The following STT3A variants were observed in gnomAD, a reference collection of about 807,000 sequenced individuals.
The protein encoded by STT3A is dolichyl-diphosphooligosaccharide--protein glycosyltransferase subunit STT3A.
A neutral mutation model predicts 89.2 loss-of-function variants in STT3A; 34 were observed. The ratio of observed to expected loss-of-function variants is 0.38; its 90% CI spans 0.29 to 0.51. The LOEUF is 0.51. STT3A is among the 20% of genes least tolerant of loss of function. The pLI is 0.89. For missense variants in STT3A, 555 were observed against 889.5 expected (o/e 0.62, Z 4.78); for synonymous variants, 282 against 310.3 (o/e 0.91, Z 0.96).
Position 125,620,042 on chromosome 11 carries a change from T to A in STT3A, c.1995T>A (p.Asn665Lys). Residue 665 changes from asparagine to lysine, a missense_variant, in exon 17 of 18, where the codon AAT becomes AAA. Coordinates refer to ENST00000392708, the MANE Select transcript of STT3A (RefSeq NM_152713.5). ...CTCCAGGCTTTGACCGTGTCCGAAA[T>A]GCTGAGATTGGGAATAAAGACTTTG... ...KRPPGFDRVR[N>K]AEIGNKDFEL... 6.2e-7 allele frequency: 1 copy of A among 1,614,160 alleles called. No homozygotes were observed. Among genetic ancestry groups the A allele is most frequent in the Non-Finnish European group, 8.5e-7 (1 of 1,180,028 alleles).
In STT3A at chr11:125,602,947, A is replaced by G; in HGVS notation, c.416A>G (p.Lys139Arg). The change falls in exon 5 of 18, where the codon AAG (lysine) becomes AGG (arginine). Residue 139 changes from lysine to arginine, a missense_variant and splice_region_variant. By Grantham distance (26) the Lys-to-Arg change is conservative. Coordinates refer to ENST00000392708, the MANE Select transcript of STT3A (RefSeq NM_152713.5). ...ACGTACCACCTTACCAAAGAGCTCA[A>G]GGTGAAGGATTTGGGGTGACAGGAG... is the stretch of plus-strand genomic sequence containing the variant. ...IVTYHLTKEL[K>R]DAGAGLLAAA... The G allele has an allele frequency of 1.9e-6, 3 of 1,614,000 alleles. No individual in the cohort carries two copies. Among genetic ancestry groups the G allele is most frequent in the Non-Finnish European group, 2.5e-6 (3 of 1,179,976 alleles).
At position 125,612,580 on chromosome 11, in the gene STT3A, T is replaced by C. The variant is rs1463907366; in HGVS notation, c.1210-12T>C. The C allele has an allele frequency of 1.2e-6, 2 of 1,611,746 alleles. No individual in the cohort carries two copies. The highest frequency in any genetic ancestry group is 1.7e-6 in the Non-Finnish European group (2 of 1,179,014). On this transcript the variant is annotated splice_polypyrimidine_tract_variant and intron_variant, in intron 11 of 17. Coordinates refer to ENST00000392708, the MANE Select transcript of STT3A (RefSeq NM_152713.5). ...CACTGATTAGACTGATCATGCTTCC[T>C]GTCTCTGTTAGGTGCGTCTAATGCT...
At chr11:125,599,861 G>C (rs1264680993) in intron 3 of STT3A, among the ~76,000 whole-genome samples, 2 of 141,434 alleles carry the variant, frequency 1.4e-5, no homozygotes, top group Non-Finnish European at 3.0e-5. Flanking sequence ...CTCCTAAGTA[G>C]CTGGGATTAC....
Position 125,613,995 on chromosome 11 carries a change from A to G in STT3A, c.1555-92A>G, listed in dbSNP as rs1940096904. The G allele has an allele frequency of 2.7e-6, 3 of 1,097,782 alleles. No homozygotes were observed. Among genetic ancestry groups the G allele is most frequent in the South Asian group, 2.8e-5 (2 of 72,546 alleles). The allele number at this position is 1,097,782 out of a possible 1,614,324, so 68.0% of individuals were successfully genotyped here. On this transcript the variant is annotated intron_variant, in intron 13 of 17. Transcript: ENST00000392708. The surrounding 1 kb of genome is among the most constrained non-coding windows in gnomAD (Gnocchi z 4.2). ...GAAATTGATTAGTTAGCCAGGTGTCACTTCTGTCAGACCAAAGATGCCTTC... is the reference window on the plus strand; with the variant it reads ...GAAATTGATTAGTTAGCCAGGTGTCGCTTCTGTCAGACCAAAGATGCCTTC...
rs1484052934 is a variant in STT3A, at chr11:125,620,139, T to C, written c.2079+13T>C. On this transcript the variant is annotated intron_variant, in intron 17 of 17. Coordinates refer to ENST00000392708, the MANE Select transcript of STT3A (RefSeq NM_152713.5). ...CAGGATATACAAGGTAAGCAGATGCTATACGTCTCAGAAAGCAACTTTTAT... is the reference window on the plus strand; with the variant it reads ...CAGGATATACAAGGTAAGCAGATGCCATACGTCTCAGAAAGCAACTTTTAT... 3 of 1,600,894 alleles carry C rather than the reference T, an allele frequency of 1.9e-6. No individual in the cohort carries two copies. The highest frequency in any genetic ancestry group is 2.6e-6 in the Non-Finnish European group (3 of 1,172,192).
Position 125,612,592 on chromosome 11 carries a change from G to A in STT3A, c.1210G>A (p.Val404Met). 6.2e-7 allele frequency: 1 copy of A among 1,613,428 alleles called. No individual in the cohort carries two copies. The highest frequency in any genetic ancestry group is 1.3e-5 in the African/African-American group (1 of 75,004). ...TGATCATGCTTCCTGTCTCTGTTAG[G>A]TGCGTCTAATGCTAGTGTTGGCACC... The part of the protein sequence containing the change: ...VTSMYFSAVM[V>M]RLMLVLAPVM... Residue 404 changes from valine (V) to methionine (M), a missense_variant and splice_region_variant, in exon 12 of 18, where the codon GTG becomes ATG. Val to Met is a conservative substitution (Grantham distance 21). Transcript: ENST00000392708.
At chr11:125,597,152 C>T in intron 3 of STT3A, 33 bp downstream of exon 3, 2 of 1,610,128 alleles carry the variant, frequency 1.2e-6, no homozygotes, top group Non-Finnish European at 1.7e-6. Flanking sequence ...GTATTATTTC[C>T]TTTGGGAGGC....
At position 125,620,869 on chromosome 11, in the gene STT3A, G is replaced by GTTTTT; in HGVS notation, c.*59_*60insTTTTT. On this transcript the variant is annotated 3_prime_UTR_variant, in exon 18 of 18. Transcript: ENST00000392708. Reference sequence around the variant, plus strand: ...AGCACATCACATTTAGGACGTTGAAGATTTTTTTTTTTTTTTTTTTTTAAT... The same window carrying GTTTTT: ...AGCACATCACATTTAGGACGTTGAAGTTTTTATTTTTTTTTTTTTTTTTTTTTAAT... 2.7e-5 allele frequency: 23 copies of GTTTTT among 841,876 alleles called. No individual in the cohort carries two copies. The highest frequency in any genetic ancestry group is 3.3e-5 in the Admixed American group (1 of 29,974). The allele number at this position is 841,876 out of a possible 1,614,324, so 52.2% of individuals were successfully genotyped here. A position where few individuals can be genotyped will look rare whatever the true frequency, so the allele number is the denominator to read the frequency against.
upstream of STT3A, chr11:125,592,444 T>G (rs1393461969): frequency 2.2e-6 from 1 of 456,276 alleles, no homozygotes; most frequent in African/African-American, 2.0e-5. Flanking sequence ...GACGAGCGGC[T>G]CCGCATTCCG....
At chr11:125,599,557 C>A (rs1417755412) in intron 3 of STT3A, among the ~76,000 whole-genome samples, 2 of 151,724 alleles carry the variant, frequency 1.3e-5, no homozygotes, top group Non-Finnish European at 2.9e-5. Flanking sequence ...ATTACAGGCA[C>A]GCGCCACCAT....
Position 125,602,967 on chromosome 11 carries a change from C to T in STT3A, c.417+19C>T, listed in dbSNP as rs1161129018. ...GCTCAAGGTGAAGGATTTGGGGTGACAGGAGGCTTGGGAATGAATGTTATT... is the reference window on the plus strand; with the variant it reads ...GCTCAAGGTGAAGGATTTGGGGTGATAGGAGGCTTGGGAATGAATGTTATT... On this transcript the variant is annotated intron_variant, in intron 5 of 17. Coordinates refer to ENST00000392708, the MANE Select transcript of STT3A (RefSeq NM_152713.5). 6.2e-7 allele frequency: 1 copy of T among 1,613,476 alleles called. No homozygotes were observed. The highest frequency in any genetic ancestry group is 8.5e-7 in the Non-Finnish European group (1 of 1,179,772).
At chr11:125,611,676 G>A (rs957024347) in intron 11 of STT3A, among the ~76,000 whole-genome samples, 157 bp downstream of exon 11, 2 of 152,042 alleles carry the variant, frequency 1.3e-5, no homozygotes, top group East Asian at 1.9e-4. Flanking sequence ...TTCCAGGAAC[G>A]TATGGGACAC....
rs201843061 is a variant in STT3A at position 125,601,623 on chromosome 11, CA to C, written c.150-669del. Reference sequence around the variant, plus strand: ...GGGCAACAAGAGCGAAACTCTGTCTCAAAAAAAAAAATAAATAAGAAAGCCA... The same window carrying C: ...GGGCAACAAGAGCGAAACTCTGTCTCAAAAAAAAAATAAATAAGAAAGCCA... On this transcript the variant is annotated intron_variant, in intron 3 of 17. Transcript: ENST00000392708. Among the ~76,000 whole-genome samples, 496 of 145,148 alleles carry C rather than the reference CA, an allele frequency of 3.4e-3. 13 individuals are homozygous for C. The East Asian group carries it at 0.077, about 22-fold the overall frequency.
chr11:125,621,681 T>C lies in STT3A; in HGVS notation c.*871T>C, dbSNP rs565561155. On this transcript the variant is annotated 3_prime_UTR_variant, in exon 18 of 18. Coordinates refer to ENST00000392708, the MANE Select transcript of STT3A (RefSeq NM_152713.5). The stretch of plus-strand genomic sequence containing the variant: ...TTCTTTTTCCCTTAGTCTTAGCCTA[T>C]GTGTTGCTGTTGTATATTGTTACCA... 4 of 152,336 alleles carry C rather than the reference T, an allele frequency of 2.6e-5. No homozygotes were observed. The South Asian group carries it at 8.3e-4, about 32-fold the overall frequency. The allele number at this position is 152,336 out of a possible 1,614,324, so 9.4% of individuals were successfully genotyped here.
chr11:125,592,458 T>C (rs2135890858), upstream of STT3A: 2 of 456,288 alleles, frequency 4.4e-6, no homozygotes, highest in Admixed American at 2.3e-5. Context: ...CATTCCGAGT[T>C]ACTGGGACTT....
At position 125,614,487 on chromosome 11, in the gene STT3A, A is replaced by C; in HGVS notation, c.1774+61A>C. ...TAGATTCTAAGAAAACTAGATGAAT[A>C]TCCTAGTTTTCTGTACTTTTACTAA... On this transcript the variant is annotated intron_variant, in intron 15 of 17. Transcript: ENST00000392708. The surrounding 1 kb of genome is among the most constrained non-coding windows in gnomAD (Gnocchi z 4.9). The C allele has an allele frequency of 1.4e-6, 2 of 1,449,176 alleles. No individual in the cohort carries two copies. Among genetic ancestry groups the C allele is most frequent in the Non-Finnish European group, 1.9e-6 (2 of 1,044,250 alleles). 89.8% of individuals were successfully genotyped at this position (1,449,176 alleles called of 1,614,324 possible).
upstream of STT3A, chr11:125,592,828 C>T (rs1939352958): frequency 5.6e-6 from 1 of 178,546 alleles, no homozygotes; most frequent in South Asian, 8.2e-5. Context: ...GGGAGCGGTC[C>T]GGGAGGCGGA....
intron 3 of STT3A, among the ~76,000 whole-genome samples, chr11:125,598,172 A>T (rs983111335): frequency 1.1e-4 from 16 of 152,088 alleles, no homozygotes; most frequent in Non-Finnish European, 5.9e-5. Flanking sequence ...AGATCATGCC[A>T]CTGCACTCCT....
chr11:125,618,116 A>G (rs974983206), intron 15 of STT3A, among the ~76,000 whole-genome samples: 1 of 152,188 alleles, frequency 6.6e-6, no homozygotes, highest in Non-Finnish European at 1.5e-5. Flanking sequence ...TAGCTAATCT[A>G]TAGGACCAAT....
Sources: allele counts gnomAD v4.1 joint callset (sites outside exome capture counted in the v4.1 genomes callset), GRCh38; gene constraint gnomAD v4.1.1; non-coding constraint Gnocchi (gnomAD v3.1); transcripts MANE v1.5; gene names NCBI Gene and HGNC (gene_info 2026-07-23, HGNC 2026-07-21).